Variants in CCDC63 observed in about 807,000 individuals in gnomAD.
CCDC63 encodes coiled-coil domain containing 63.
In CCDC63, 54 loss-of-function variants were observed where a neutral mutation model predicts 63.6. That is an observed-to-expected ratio of 0.85 (90% confidence interval 0.68 to 1.07). The LOEUF is 1.07. Among genes scored for constraint, CCDC63 ranks in the 50% least tolerant of loss-of-function variants. The pLI is 0.00. For synonymous variants in CCDC63, 253 were observed against 266.1 expected (o/e 0.95, Z 0.48); for missense variants, 637 against 689.6 (o/e 0.92, Z 0.86).
At chr12:110,868,197 C>T (rs1416194931) in intron 4 of CCDC63, among the ~76,000 whole-genome samples, 4 of 144,424 alleles carry the variant, frequency 2.8e-5, no homozygotes, top group Non-Finnish European at 6.1e-5. Context: ...AGGCGCTCCT[C>T]ACTTCCTAGA....
In CCDC63 at chr12:110,858,542, A is replaced by T. The variant is rs202162055; in HGVS notation, c.180-44A>T. On this transcript the variant is annotated intron_variant, in intron 3 of 11. Coordinates refer to ENST00000308208, the MANE Select transcript of CCDC63 (RefSeq NM_152591.3). Reference sequence around the variant, plus strand: ...TGTGCCTGGAGTGCTCCGTCAAGTTAAACTTAGGGGTTTGGGGTTAATCAT... The same window carrying T: ...TGTGCCTGGAGTGCTCCGTCAAGTTTAACTTAGGGGTTTGGGGTTAATCAT... The T allele has an allele frequency of 2.7e-4, 424 of 1,558,760 alleles. 2 individuals are homozygous for T. In the African/African-American group the frequency reaches 5.4e-3, roughly 20 times the overall value.
chr12:110,867,227 A>AC (rs1409354245), intron 4 of CCDC63, among the ~76,000 whole-genome samples: 10 of 76,254 alleles, frequency 1.3e-4, no homozygotes, highest in Middle Eastern at 9.6e-3. Context: ...CGGGGGGCCG[A>AC]CCCCCCCACC....
chr12:110,873,756 G>A (rs896234053), intron 4 of CCDC63, 86 bp from the exon 5 acceptor site: 2 of 1,529,072 alleles, frequency 1.3e-6, no homozygotes, highest in African/African-American at 2.8e-5. Flanking sequence ...GATGCTATCT[G>A]AGCACACTTC....
At position 110,886,185 on chromosome 12, in the gene CCDC63, G is replaced by A. The variant is rs141963142; in HGVS notation, c.1074+1935G>A. Among the ~76,000 whole-genome samples, 988 of 152,182 alleles carry A rather than the reference G, an allele frequency of 6.5e-3. 9 individuals are homozygous for A. The highest frequency in any genetic ancestry group is 0.05 in the East Asian group (256 of 5,164). On this transcript the variant is annotated intron_variant, in intron 8 of 11. Coordinates refer to ENST00000308208, the MANE Select transcript of CCDC63 (RefSeq NM_152591.3). ...GTGGATCACCTGAGCTCAGGAGTTC[G>A]AGACCAGCCTAGGCAACATAGTGAA...
intron 3 of CCDC63, 44 bp downstream of exon 3, chr12:110,853,618 A>G (rs777391578): frequency 1.2e-6 from 2 of 1,610,838 alleles, no homozygotes; most frequent in Non-Finnish European, 8.5e-7. Context: ...CTTGGAGGAA[A>G]GTTGGGGTTG....
intron 5 of CCDC63, among the ~76,000 whole-genome samples, chr12:110,874,493 CATAGA>C (rs2071106730): frequency 6.6e-6 from 1 of 152,184 alleles, no homozygotes; most frequent in Non-Finnish European, 1.5e-5. Context: ...ATGTGTTAGT[CATAGA>C]ATTGAAAGAT....
chr12:110,884,696 A>T (rs1566132432), intron 8 of CCDC63, among the ~76,000 whole-genome samples: 1 of 149,180 alleles, frequency 6.7e-6, no homozygotes. Context: ...TTTTATTTGT[A>T]TTTTTTTTGA....
chr12:110,864,183 A>T (rs1566120025), intron 4 of CCDC63, among the ~76,000 whole-genome samples: 2 of 152,266 alleles, frequency 1.3e-5, no homozygotes, highest in Non-Finnish European at 2.9e-5. Context: ...GGCCAAATCC[A>T]GCCTATCTGT....
intron 9 of CCDC63, among the ~76,000 whole-genome samples, chr12:110,898,077 T>A (rs1158952213): frequency 1.3e-5 from 2 of 150,622 alleles, no homozygotes; most frequent in African/African-American, 2.4e-5. Context: ...AATCCAGGAG[T>A]TCGAGACCAG....
chr12:110,906,006 T>TATAATATAATATATATTATATATTATA (rs2071569964), intron 11 of CCDC63, among the ~76,000 whole-genome samples: 1 of 57,982 alleles, frequency 1.7e-5, no homozygotes, highest in South Asian at 4.0e-4. Context: ...ATATATATTA[T>TATAATATAATATATATTATATATTATA]ATAATATAAT....
intron 4 of CCDC63, among the ~76,000 whole-genome samples, chr12:110,864,737 T>C (rs2070917685): frequency 6.6e-6 from 1 of 151,974 alleles, no homozygotes; most frequent in South Asian, 2.1e-4. Flanking sequence ...AATAAAATGT[T>C]TTCCACTCGG....
chr12:110,854,250 CT>C, intron 3 of CCDC63, among the ~76,000 whole-genome samples: 1 of 72,290 alleles, frequency 1.4e-5, no homozygotes, highest in South Asian at 5.5e-4. Flanking sequence ...ACAATCATTT[CT>C]TTTCTTTTTT....
chr12:110,859,892 A>G (rs1323308801), intron 4 of CCDC63, among the ~76,000 whole-genome samples: 4 of 151,590 alleles, frequency 2.6e-5, no homozygotes. Flanking sequence ...GCCTTTGCTT[A>G]TGCTCCCCCA....
intron 3 of CCDC63, among the ~76,000 whole-genome samples, chr12:110,854,496 C>G (rs1449973892): frequency 6.6e-6 from 1 of 151,826 alleles, no homozygotes; most frequent in Non-Finnish European, 1.5e-5. Context: ...GATTTCACCA[C>G]GTTGGCCAGG....
At chr12:110,878,459 C>A (rs943333753) in intron 5 of CCDC63, among the ~76,000 whole-genome samples, 1 of 152,082 alleles carries the variant, frequency 6.6e-6, no homozygotes, top group East Asian at 1.9e-4. Context: ...GGATTACAGA[C>A]ACCTGCCATC....
At chr12:110,855,970 G>A (rs891722842) in intron 3 of CCDC63, among the ~76,000 whole-genome samples, 6 of 152,148 alleles carry the variant, frequency 3.9e-5, no homozygotes, top group African/African-American at 1.2e-4. Flanking sequence ...CATTCAGGGA[G>A]TAACTTAAGG....
intron 10 of CCDC63, among the ~76,000 whole-genome samples, chr12:110,903,435 C>G (rs1484038112): frequency 1.3e-5 from 2 of 152,212 alleles, no homozygotes; most frequent in Non-Finnish European, 2.9e-5. Context: ...ATGGCCAGGG[C>G]TGCCTGTAGT....
chr12:110,896,873 G>A (rs978572763), intron 9 of CCDC63, among the ~76,000 whole-genome samples: 2 of 152,202 alleles, frequency 1.3e-5, no homozygotes, highest in Non-Finnish European at 2.9e-5. Context: ...GGATCACCGG[G>A]AGGCTTGCTA....
At position 110,898,151 on chromosome 12, in the gene CCDC63, G is replaced by A. The variant is rs369592741; in HGVS notation, c.1150-782G>A. ...ACAAAAATTAGCTGGGCATGGTGGCGTCTGCCTGTAGTCCCAGCTACTCTG... is the reference window on the plus strand; with the variant it reads ...ACAAAAATTAGCTGGGCATGGTGGCATCTGCCTGTAGTCCCAGCTACTCTG... On this transcript the variant is annotated intron_variant, in intron 9 of 11. Coordinates refer to ENST00000308208, the MANE Select transcript of CCDC63 (RefSeq NM_152591.3). 1.1e-4 allele frequency among the ~76,000 whole-genome samples: 17 copies of A among 149,936 alleles called. No homozygotes were observed. In the East Asian group the frequency reaches 1.4e-3, roughly 13 times the overall value.
Sources: gnomAD v4.1 joint callset for allele counts (sites outside exome capture counted in the v4.1 genomes callset) on GRCh38, gnomAD v4.1.1 for gene constraint, MANE v1.5 for transcripts, NCBI Gene and HGNC (gene_info 2026-07-23, HGNC 2026-07-21) for gene names.